Variants in SRBD1 observed in about 807,000 individuals in gnomAD.
SRBD1 encodes the protein S1 RNA-binding domain-containing protein 1.
A neutral mutation model predicts 115.3 loss-of-function variants in SRBD1; 88 were observed. That is an observed-to-expected ratio of 0.76 (90% CI 0.64 to 0.91). The LOEUF (loss-of-function observed/expected upper bound fraction) is 0.91. Among genes scored for constraint, SRBD1 ranks in the 40% least tolerant of loss-of-function variants. The probability of loss-of-function intolerance (pLI) is 0.00; values close to 1 mark genes in which losing one functional copy is unlikely to be tolerated. For missense variants in SRBD1, 1,385 were observed against 1,177.4 expected, an observed-to-expected ratio of 1.18 and a Z score of -2.58; for synonymous variants, 509 against 407.7, an observed-to-expected ratio of 1.25 and a Z score of -2.99.
chr2:45,504,987 C>A (rs777820872), intron 14 of SRBD1, among the ~76,000 whole-genome samples: 5 of 152,076 alleles, frequency 3.3e-5, no homozygotes, highest in Non-Finnish European at 7.4e-5. Flanking sequence ...AAAACCTTTA[C>A]TTCTACAAAG....
chr2:45,494,688 T>C (rs116835062), intron 14 of SRBD1, among the ~76,000 whole-genome samples: 1,845 of 152,302 alleles, frequency 0.012, 18 homozygotes, highest in Non-Finnish European at 0.019. Flanking sequence ...TCATGATCAC[T>C]AAGGCATAAC....
At chr2:45,535,957 T>A (rs541549252) in intron 14 of SRBD1, among the ~76,000 whole-genome samples, 2 of 152,184 alleles carry the variant, frequency 1.3e-5, no homozygotes, top group East Asian at 3.9e-4. Context: ...ATCAGTAACT[T>A]CCCTCTTACA....
At chr2:45,427,576 C>T (rs941578382) in intron 16 of SRBD1, among the ~76,000 whole-genome samples, 26 of 152,176 alleles carry the variant, frequency 1.7e-4, no homozygotes, top group Admixed American at 1.6e-3. Flanking sequence ...GAAGAGCTAA[C>T]TATCCTAAAT....
intron 14 of SRBD1, among the ~76,000 whole-genome samples, chr2:45,518,447 T>C (rs1052000120): frequency 6.6e-6 from 1 of 152,208 alleles, no homozygotes. Context: ...GCTGGCAGCA[T>C]TTGTCAGTCC....
chr2:45,588,213 T>C (rs960252176), intron 4 of SRBD1, among the ~76,000 whole-genome samples: 1 of 152,172 alleles, frequency 6.6e-6, no homozygotes, highest in Admixed American at 6.5e-5. Flanking sequence ...CTGTCACTGA[T>C]TTCCCGTTGC....
At chr2:45,579,805 T>C in intron 7 of SRBD1, 70 bp downstream of exon 7, 1 of 1,442,038 alleles carries the variant, frequency 6.9e-7, no homozygotes, top group Non-Finnish European at 9.1e-7. Context: ...AAACAGTTTT[T>C]TAACATACGT....
chr2:45,485,996 C>T (rs7559360), intron 15 of SRBD1, among the ~76,000 whole-genome samples: 1,767 of 152,268 alleles, frequency 0.012, 29 homozygotes, highest in African/African-American at 0.034. Flanking sequence ...AGCTAAGACA[C>T]AGAAGGAAGA....
At chr2:45,445,502 G>A (rs1668793561) in intron 16 of SRBD1, among the ~76,000 whole-genome samples, 1 of 120,904 alleles carries the variant, frequency 8.3e-6, no homozygotes, top group Non-Finnish European at 1.6e-5. Context: ...AATGAGGCAA[G>A]TTTCTCTCTA....
intron 19 of SRBD1, among the ~76,000 whole-genome samples, chr2:45,397,675 C>G (rs1344535436): frequency 6.6e-6 from 1 of 152,184 alleles, no homozygotes; most frequent in Non-Finnish European, 1.5e-5. Flanking sequence ...GCAATCACAG[C>G]TCACTGTAGC....
intron 19 of SRBD1, among the ~76,000 whole-genome samples, chr2:45,408,633 G>A (rs1667504618): frequency 6.6e-6 from 1 of 152,146 alleles, no homozygotes; most frequent in South Asian, 2.1e-4. Context: ...CATTGCTGAT[G>A]ACATTATAAA....
intron 14 of SRBD1, among the ~76,000 whole-genome samples, chr2:45,537,414 C>G (rs1671795136): frequency 6.6e-6 from 1 of 152,188 alleles, no homozygotes; most frequent in African/African-American, 2.4e-5. Context: ...GGAATGCAAA[C>G]TTCAAGAGGG....
rs553267836 is a variant in SRBD1, at chr2:45,537,440, G to A, written c.1874+9292C>T. ...TTCAAGAGGGGTAGGGACTTTGCCT[G>A]TACTGCTTTCTTTCCCAGCACACAA... On this transcript the variant is annotated intron_variant, in intron 14 of 20. Coordinates refer to ENST00000263736, the MANE Select transcript of SRBD1 (RefSeq NM_018079.5). 2.0e-5 allele frequency among the ~76,000 whole-genome samples: 3 copies of A among 152,246 alleles called. No individual in the cohort carries two copies. In the South Asian group the frequency reaches 6.2e-4, roughly 32 times the overall value.
chr2:45,600,700 C>T (rs1366286185), intron 3 of SRBD1, among the ~76,000 whole-genome samples: 1 of 152,178 alleles, frequency 6.6e-6, no homozygotes, highest in Non-Finnish European at 1.5e-5. Context: ...AGAAATGAGA[C>T]TTGGCACCCA....
intron 4 of SRBD1, among the ~76,000 whole-genome samples, chr2:45,592,554 A>T (rs1673758613): frequency 6.6e-6 from 1 of 152,088 alleles, no homozygotes; most frequent in Non-Finnish European, 1.5e-5. Context: ...TCCTACTCTG[A>T]AGTTTGCCTT....
intron 16 of SRBD1, among the ~76,000 whole-genome samples, chr2:45,441,921 C>G (rs368990641): frequency 3.9e-5 from 6 of 152,124 alleles, no homozygotes; most frequent in African/African-American, 1.4e-4. Flanking sequence ...ATTCTCATGC[C>G]AATACTTTCT....
intron 10 of SRBD1, among the ~76,000 whole-genome samples, chr2:45,561,010 A>T (rs970152857): frequency 2.6e-5 from 4 of 152,056 alleles, no homozygotes; most frequent in Non-Finnish European, 5.9e-5. Flanking sequence ...AGGAGACTAA[A>T]GTGGGAGAAT....
At chr2:45,495,011 C>A (rs999253050) in intron 14 of SRBD1, among the ~76,000 whole-genome samples, 1 of 151,780 alleles carries the variant, frequency 6.6e-6, no homozygotes, top group Admixed American at 6.6e-5. Flanking sequence ...AGTTATCACA[C>A]AGAGGATCCA....
At chr2:45,467,570 A>T (rs535948712) in intron 16 of SRBD1, among the ~76,000 whole-genome samples, 2 of 152,130 alleles carry the variant, frequency 1.3e-5, no homozygotes, top group Non-Finnish European at 2.9e-5. Flanking sequence ...ACCATGGGGG[A>T]AAAATAATTA....
At chr2:45,559,551 C>G (rs1385082759) in intron 10 of SRBD1, among the ~76,000 whole-genome samples, 1 of 152,022 alleles carries the variant, frequency 6.6e-6, no homozygotes, top group Non-Finnish European at 1.5e-5. Context: ...GTATATCTGT[C>G]TAATTTACAG....
Sources: allele counts gnomAD v4.1 joint callset (sites outside exome capture counted in the v4.1 genomes callset), GRCh38; gene constraint gnomAD v4.1.1; transcripts MANE v1.5; gene names NCBI Gene and HGNC (gene_info 2026-07-23, HGNC 2026-07-21).